The following SH3BGRL2 variants were observed in gnomAD, a reference collection of about 807,000 sequenced individuals.
SH3BGRL2 encodes SH3 domain-binding glutamic acid-rich-like protein 2.
In SH3BGRL2, 21 loss-of-function variants were observed where a neutral mutation model predicts 14.8. The ratio of observed to expected loss-of-function variants is 1.42; its 90% confidence interval spans 1.01 to 2.05. The LOEUF (loss-of-function observed/expected upper bound fraction) is 2.05, where lower values mean the gene tolerates loss of function less well. SH3BGRL2 is among the 30% of genes most tolerant of loss of function. The pLI is 0.00. For missense variants in SH3BGRL2, 147 were observed against 130.8 expected (o/e 1.12, Z -0.61); for synonymous variants, 50 against 47.8 (o/e 1.05, Z -0.19).
At chr6:79,570,873 A>G in the SH3BGRL2 span, among the ~76,000 whole-genome samples, 1 of 152,238 alleles carries the variant, frequency 6.6e-6, no homozygotes, top group South Asian at 2.1e-4. Context: ...ACTGCTTTAC[A>G]TATTGCTATC....
At chr6:79,641,936 G>A (rs540450961) in intron 1 of SH3BGRL2, among the ~76,000 whole-genome samples, 26 of 152,242 alleles carry the variant, frequency 1.7e-4, no homozygotes, top group African/African-American at 6.0e-4. Context: ...AATTTGAGCA[G>A]GCCATTCACC....
the SH3BGRL2 span, among the ~76,000 whole-genome samples, chr6:79,611,414 T>TTC: frequency 6.7e-6 from 1 of 149,968 alleles, no homozygotes; most frequent in East Asian, 1.9e-4. Flanking sequence ...CTTTTTTTTT[T>TTC]TTTTTTTTTT....
At chr6:79,590,274 T>C in the SH3BGRL2 span, among the ~76,000 whole-genome samples, 1 of 151,696 alleles carries the variant, frequency 6.6e-6, no homozygotes, top group Non-Finnish European at 1.5e-5. Context: ...AACTCAGCAA[T>C]CCCATTACTG....
chr6:79,586,275 T>G, the SH3BGRL2 span, among the ~76,000 whole-genome samples: 1 of 145,196 alleles, frequency 6.9e-6, no homozygotes. Flanking sequence ...CATTAGCTAT[T>G]GTTAATGTTA....
intron 1 of SH3BGRL2, among the ~76,000 whole-genome samples, chr6:79,648,683 T>C (rs1388544004): frequency 6.6e-6 from 1 of 152,062 alleles, no homozygotes; most frequent in African/African-American, 2.4e-5. Context: ...CGTTTCCTTT[T>C]AGAGCACTTG....
At chr6:79,580,849 A>G in the SH3BGRL2 span, among the ~76,000 whole-genome samples, 2 of 152,204 alleles carry the variant, frequency 1.3e-5, no homozygotes, top group East Asian at 3.9e-4. Context: ...TGAAGCCAGG[A>G]GCTGGTTTCT....
At chr6:79,563,448 T>C in the SH3BGRL2 span, among the ~76,000 whole-genome samples, 9 of 152,024 alleles carry the variant, frequency 5.9e-5, no homozygotes, top group African/African-American at 2.2e-4. Flanking sequence ...CATCCATCCC[T>C]CAGCCACCTC....
intron 1 of SH3BGRL2, among the ~76,000 whole-genome samples, chr6:79,633,211 G>A (rs1768859480): frequency 6.6e-6 from 1 of 152,128 alleles, no homozygotes; most frequent in African/African-American, 2.4e-5. Flanking sequence ...AAGTTTTAGT[G>A]TGGGCCCCAA....
chr6:79,594,999 G>C, the SH3BGRL2 span, among the ~76,000 whole-genome samples: 1 of 152,186 alleles, frequency 6.6e-6, no homozygotes, highest in African/African-American at 2.4e-5. Flanking sequence ...AGAATCTGCT[G>C]TTCAGGCCAG....
chr6:79,652,839 T>C (rs1769323229), intron 1 of SH3BGRL2, among the ~76,000 whole-genome samples: 1 of 152,180 alleles, frequency 6.6e-6, no homozygotes, highest in Admixed American at 6.5e-5. Context: ...TAGTTAAGTT[T>C]ATTACAAACA....
intron 1 of SH3BGRL2, among the ~76,000 whole-genome samples, chr6:79,663,203 T>C (rs757940722): frequency 7.2e-5 from 11 of 152,210 alleles, no homozygotes; most frequent in Non-Finnish European, 1.6e-4. Context: ...GGCGAGGGAC[T>C]GCCATCCTTT....
intron 1 of SH3BGRL2, among the ~76,000 whole-genome samples, chr6:79,648,255 C>CGCATATATATATATATATAT (rs749278658): frequency 7.8e-4 from 49 of 62,454 alleles, no homozygotes; most frequent in Non-Finnish European, 1.2e-3. Flanking sequence ...ATTCTTTTGG[C>CGCATATATATATATATATAT]ATATATATAT....
At chr6:79,636,911 C>T (rs1037354041) in intron 1 of SH3BGRL2, among the ~76,000 whole-genome samples, 1 of 152,142 alleles carries the variant, frequency 6.6e-6, no homozygotes, top group Non-Finnish European at 1.5e-5. Context: ...CTGCAAACAT[C>T]CTATTTCCAA....
chr6:79,554,004 A>G, the SH3BGRL2 span, among the ~76,000 whole-genome samples: 1 of 151,872 alleles, frequency 6.6e-6, no homozygotes, highest in Non-Finnish European at 1.5e-5. Flanking sequence ...AAAGAAAATT[A>G]TATGGTCTGA....
intron 2 of SH3BGRL2, among the ~76,000 whole-genome samples, chr6:79,690,170 T>G (rs1582739312): frequency 6.6e-6 from 1 of 152,210 alleles, no homozygotes; most frequent in East Asian, 1.9e-4. Flanking sequence ...TTTTTAATAT[T>G]TTTTAGAGAC....
At chr6:79,617,240 A>G in the SH3BGRL2 span, among the ~76,000 whole-genome samples, 34 of 152,172 alleles carry the variant, frequency 2.2e-4, 1 homozygote, top group Admixed American at 2.0e-3. Flanking sequence ...AAACACTTTC[A>G]TTCAATGATT....
intron 1 of SH3BGRL2, among the ~76,000 whole-genome samples, chr6:79,643,991 T>C (rs1370851099): frequency 6.6e-6 from 1 of 152,130 alleles, no homozygotes; most frequent in East Asian, 1.9e-4. Context: ...CAATAGGTAA[T>C]ACGGGGAAAG....
At chr6:79,636,870 T>C (rs1768935132) in intron 1 of SH3BGRL2, among the ~76,000 whole-genome samples, 1 of 152,198 alleles carries the variant, frequency 6.6e-6, no homozygotes, top group Non-Finnish European at 1.5e-5. Context: ...GAGTAGAGCC[T>C]ACCCTAATGA....
intron 2 of SH3BGRL2, among the ~76,000 whole-genome samples, chr6:79,693,236 A>G (rs1770262553): frequency 6.6e-6 from 1 of 152,220 alleles, no homozygotes; most frequent in Admixed American, 6.5e-5. Flanking sequence ...GAAGTTGCTT[A>G]TCAGCTGAAG....
Sources: allele counts gnomAD v4.1 joint callset (sites outside exome capture counted in the v4.1 genomes callset), GRCh38; gene constraint gnomAD v4.1.1; transcripts MANE v1.5; gene names NCBI Gene and HGNC (gene_info 2026-07-23, HGNC 2026-07-21).